The following RMI1 variants were observed in gnomAD, a reference collection of about 807,000 sequenced individuals.
The protein encoded by RMI1 is RecQ mediated genome instability 1.
A neutral mutation model predicts 46.7 loss-of-function variants in RMI1; 36 were observed. That is an observed-to-expected ratio of 0.77 (90% confidence interval 0.59 to 1.02). RMI1 has a LOEUF of 1.02. Among genes scored for constraint, RMI1 ranks in the 50% least tolerant of loss-of-function variants. RMI1 has a pLI of 0.00. For missense variants in RMI1, 676 were observed against 713.7 expected, an observed-to-expected ratio of 0.95 and a Z score of 0.60; for synonymous variants, 250 against 252.9, an observed-to-expected ratio of 0.99 and a Z score of 0.11.
intron 1 of RMI1, among the ~76,000 whole-genome samples, chr9:83,997,411 C>T (rs960398164): frequency 6.7e-6 from 1 of 150,032 alleles, no homozygotes; most frequent in East Asian, 2.0e-4. Context: ...GTGCCTGGCC[C>T]TTTTTTTCCC....
At chr9:83,996,160 C>T (rs1957649910) in intron 1 of RMI1, among the ~76,000 whole-genome samples, 1 of 152,190 alleles carries the variant, frequency 6.6e-6, no homozygotes, top group East Asian at 1.9e-4. Context: ...ACCTGTCCCT[C>T]TGGCTGACAT....
chr9:83,991,034 C>A (rs1472943230), intron 1 of RMI1, among the ~76,000 whole-genome samples: 1 of 151,912 alleles, frequency 6.6e-6, no homozygotes, highest in Admixed American at 6.6e-5. Context: ...CTCGAACTCC[C>A]GACCTCAGGT....
At chr9:83,992,385 A>G (rs746479131) in intron 1 of RMI1, among the ~76,000 whole-genome samples, 25 of 152,230 alleles carry the variant, frequency 1.6e-4, no homozygotes, top group Middle Eastern at 3.4e-3. Context: ...CACAAGACAG[A>G]TCACAGCTTT....
rs1415187437 is a variant in RMI1 at position 83,980,889 on chromosome 9, C to G, written c.-128C>G. 1 of 152,376 alleles carries G rather than the reference C, an allele frequency of 6.6e-6. No individual in the cohort carries two copies. The highest frequency in any genetic ancestry group is 2.4e-5 in the African/African-American group (1 of 41,456). 9.4% of individuals were successfully genotyped at this position (152,376 alleles called of 1,614,324 possible). A position where few individuals can be genotyped will look rare whatever the true frequency, so the allele number is the denominator to read the frequency against. ...TTGCGCGAGGAAAATGCGGGACGCC[C>G]AGGTCGGTGCTCGGCCCAGACTTAT... On this transcript the variant is annotated splice_region_variant and 5_prime_UTR_variant, in exon 1 of 3. Coordinates refer to ENST00000445877, the MANE Select transcript of RMI1 (RefSeq NM_001358291.2).
At chr9:83,984,049 T>G (rs1957455870) in intron 1 of RMI1, among the ~76,000 whole-genome samples, 2 of 152,200 alleles carry the variant, frequency 1.3e-5, no homozygotes, top group South Asian at 4.1e-4. Context: ...CTCTGCCACA[T>G]AAATCTTTGT....
intron 1 of RMI1, among the ~76,000 whole-genome samples, chr9:83,982,604 C>A (rs1044175776): frequency 1.3e-5 from 2 of 151,978 alleles, no homozygotes; most frequent in Non-Finnish European, 2.9e-5. Context: ...GAAGGCTGAT[C>A]TTGCAGTGAG....
chr9:84,002,845 A>G lies in RMI1; in HGVS notation c.1859A>G (p.Lys620Arg). 6.5e-7 allele frequency: 1 copy of G among 1,537,584 alleles called. No individual in the cohort carries two copies. The highest frequency in any genetic ancestry group is 8.8e-7 in the Non-Finnish European group (1 of 1,131,764). The change falls in exon 3 of 3, where the codon AAG becomes AGG. Residue 620 changes from lysine (K) to arginine (R), a missense_variant. Lys to Arg is a conservative substitution (Grantham distance 26). Coordinates refer to ENST00000445877, the MANE Select transcript of RMI1 (RefSeq NM_001358291.2). ...DVNMEHLENL[K>R]KRLNK is the part of the protein sequence containing the mutation. ...AATATGGAACACCTTGAGAATCTAA[A>G]GAAGCGGTTAAATAAATAATTAAAC...
intron 1 of RMI1, among the ~76,000 whole-genome samples, chr9:83,991,626 T>C (rs1351956169): frequency 1.3e-5 from 2 of 152,226 alleles, no homozygotes; most frequent in Non-Finnish European, 2.9e-5. Context: ...CCTGGTGTCA[T>C]TTTTCTAGGA....
chr9:83,985,615 C>A (rs1957477333), intron 1 of RMI1, among the ~76,000 whole-genome samples: 1 of 152,222 alleles, frequency 6.6e-6, no homozygotes, highest in Non-Finnish European at 1.5e-5. Flanking sequence ...AGGACTGACA[C>A]ATTTAATGGA....
intron 1 of RMI1, among the ~76,000 whole-genome samples, chr9:83,982,617 G>T (rs1409868668): frequency 6.6e-6 from 1 of 151,860 alleles, no homozygotes; most frequent in Non-Finnish European, 1.5e-5. Context: ...GCAGTGAGCC[G>T]AGATCGCGCC....
intron 1 of RMI1, among the ~76,000 whole-genome samples, chr9:83,986,149 A>G (rs1957487430): frequency 2.0e-5 from 3 of 152,278 alleles, no homozygotes; most frequent in African/African-American, 4.8e-5. Context: ...GTGCTATGTT[A>G]GTAGGGTTAT....
chr9:83,986,223 G>A (rs564730712), intron 1 of RMI1, among the ~76,000 whole-genome samples: 1 of 152,192 alleles, frequency 6.6e-6, no homozygotes, highest in Non-Finnish European at 1.5e-5. Flanking sequence ...GATAAATATA[G>A]TAGGTGTAGG....
chr9:83,993,422 G>A (rs913624846), intron 1 of RMI1, among the ~76,000 whole-genome samples: 5 of 152,082 alleles, frequency 3.3e-5, no homozygotes, highest in African/African-American at 7.2e-5. Flanking sequence ...TTTCTGTATC[G>A]TTAATGTGAG....
chr9:83,981,258 C>T (rs1336895166), intron 1 of RMI1, among the ~76,000 whole-genome samples: 1 of 152,204 alleles, frequency 6.6e-6, no homozygotes, highest in African/African-American at 2.4e-5. Context: ...GGTAATGGGA[C>T]CTGAGATGGA....
At chr9:83,984,048 A>G (rs546281459) in intron 1 of RMI1, among the ~76,000 whole-genome samples, 8 of 152,270 alleles carry the variant, frequency 5.3e-5, no homozygotes, top group Admixed American at 2.6e-4. Context: ...TCTCTGCCAC[A>G]TAAATCTTTG....
Position 84,002,742 on chromosome 9 carries a change from A to T in RMI1, c.1756A>T (p.Ile586Leu). 1 of 1,613,910 alleles carries T rather than the reference A, an allele frequency of 6.2e-7. No individual in the cohort carries two copies. The highest frequency in any genetic ancestry group is 1.3e-5 in the African/African-American group (1 of 75,060). Residue 586 changes from isoleucine (I) to leucine (L), a missense_variant, in exon 3 of 3, where the codon ATA becomes TTA. Ile to Leu is a conservative substitution (Grantham distance 5). Coordinates refer to ENST00000445877, the MANE Select transcript of RMI1 (RefSeq NM_001358291.2). The part of the protein sequence containing the change: ...EGLQKCQRDL[I>L]DLCCLMTISF... ...GTTGCAGAAATGTCAAAGAGATCTAATAGATTTGTGCTGTCTAATGACTAT... is the reference window on the plus strand; with the variant it reads ...GTTGCAGAAATGTCAAAGAGATCTATTAGATTTGTGCTGTCTAATGACTAT...
chr9:83,993,527 T>C (rs1457344245), intron 1 of RMI1, among the ~76,000 whole-genome samples: 1 of 152,162 alleles, frequency 6.6e-6, no homozygotes, highest in Non-Finnish European at 1.5e-5. Flanking sequence ...AATGTGGTAG[T>C]TCTAGTTTTA....
At chr9:83,996,958 A>G (rs1957662804) in intron 1 of RMI1, among the ~76,000 whole-genome samples, 1 of 151,976 alleles carries the variant, frequency 6.6e-6, no homozygotes, top group African/African-American at 2.4e-5. Flanking sequence ...AACAGAGTAA[A>G]CATCATATTG....
intron 1 of RMI1, among the ~76,000 whole-genome samples, chr9:83,989,852 AAAAG>A (rs1276755279): frequency 6.6e-6 from 1 of 152,172 alleles, no homozygotes; most frequent in East Asian, 1.9e-4. Flanking sequence ...AGTATAAACT[AAAAG>A]AAAGGAAATC....
Sources: allele counts gnomAD v4.1 joint callset (sites outside exome capture counted in the v4.1 genomes callset), GRCh38; gene constraint gnomAD v4.1.1; transcripts MANE v1.5; gene names NCBI Gene and HGNC (gene_info 2026-07-23, HGNC 2026-07-21).